The following IDI1 variants were observed in gnomAD, a reference collection of about 807,000 sequenced individuals.
IDI1 encodes the protein isopentenyl-diphosphate delta isomerase 1.
IDI1 carries 23 observed loss-of-function variants against 32.9 expected under a neutral mutation model. The ratio of observed to expected loss-of-function variants is 0.70; its 90% CI spans 0.50 to 0.99. IDI1 has a LOEUF of 0.99. Among genes scored for constraint, IDI1 ranks in the 50% least tolerant of loss-of-function variants. The probability of loss-of-function intolerance (pLI) is 0.00; values close to 1 mark genes in which losing one functional copy is unlikely to be tolerated. For synonymous variants in IDI1, 133 were observed against 128.2 expected (o/e 1.04, Z -0.25); for missense variants, 326 against 351.9 (o/e 0.93, Z 0.59).
intron 1 of IDI1, among the ~76,000 whole-genome samples, chr10:1,047,814 C>T (rs907253003): frequency 1.3e-5 from 2 of 152,186 alleles, no homozygotes; most frequent in African/African-American, 4.8e-5. Flanking sequence ...ACATGTAAAT[C>T]CTACATAAAT....
intron 1 of IDI1, among the ~76,000 whole-genome samples, chr10:1,046,399 T>C (rs891834408): frequency 6.6e-6 from 1 of 152,204 alleles, no homozygotes; most frequent in Non-Finnish European, 1.5e-5. Flanking sequence ...CCCACATTAT[T>C]CAGCACAGTC....
chr10:1,046,428 G>A (rs913662147), intron 1 of IDI1, among the ~76,000 whole-genome samples: 1 of 152,132 alleles, frequency 6.6e-6, no homozygotes, highest in Non-Finnish European at 1.5e-5. Flanking sequence ...TCCAAATTTA[G>A]GCCTGAAGCA....
intron 3 of IDI1, among the ~76,000 whole-genome samples, chr10:1,043,010 T>G (rs1832664307): frequency 1.3e-5 from 2 of 152,240 alleles, no homozygotes; most frequent in Non-Finnish European, 2.9e-5. Context: ...ACAGACTACA[T>G]TTGTAGGTAG....
rs562653913 is a variant in IDI1, at chr10:1,048,920, A to G, written c.84T>C (p.Cys28=). The G allele has an allele frequency of 2.5e-6, 4 of 1,601,638 alleles. No individual in the cohort carries two copies. The highest frequency in any genetic ancestry group is 1.7e-5 in the Admixed American group (1 of 59,548). The change falls in exon 1 of 5, where the codon TGT becomes TGC. Residue 28 remains cysteine (C), a synonymous_variant. Transcript: ENST00000381344. ...RGQWAVRAAD[C]AQSGRHPGPA... is the part of the protein sequence containing the mutation. Reference sequence around the variant, plus strand: ...GTCCCGGATGGCGCCCGCTTTGAGCACAGTCTGCGGCGCGCACCGCCCACT... The same window carrying G: ...GTCCCGGATGGCGCCCGCTTTGAGCGCAGTCTGCGGCGCGCACCGCCCACT...
intron 4 of IDI1, 41 bp downstream of exon 4, chr10:1,042,591 T>G: frequency 1.2e-6 from 2 of 1,605,124 alleles, no homozygotes; most frequent in Non-Finnish European, 1.7e-6. Flanking sequence ...TATAGTATGT[T>G]TAGGTTTCAG....
chr10:1,042,896 G>T, intron 3 of IDI1, 134 bp from the exon 4 acceptor site: 1 of 710,134 alleles, frequency 1.4e-6, no homozygotes, highest in Non-Finnish European at 2.3e-6. Flanking sequence ...TGGGCTATCA[G>T]TAATTATTTT....
chr10:1,042,433 G>A (rs967159335), intron 4 of IDI1, 199 bp downstream of exon 4: 6 of 552,452 alleles, frequency 1.1e-5, no homozygotes, highest in Non-Finnish European at 1.7e-5. Flanking sequence ...ATCCATCCCC[G>A]TATTGAGCTA....
At chr10:1,048,213 G>A in intron 1 of IDI1, 1 of 1,287,792 alleles carries the variant, frequency 7.8e-7, no homozygotes, top group Non-Finnish European at 1.0e-6. Context: ...AAGCTAAGCT[G>A]CATAATCACA....
intron 1 of IDI1, among the ~76,000 whole-genome samples, chr10:1,045,103 C>G (rs1326285317): frequency 6.6e-6 from 1 of 152,266 alleles, no homozygotes; most frequent in Non-Finnish European, 1.5e-5. Flanking sequence ...GGCAGCAGGC[C>G]AGATTTGGCC....
upstream of IDI1, among the ~76,000 whole-genome samples, chr10:1,052,214 G>A (rs778474963): frequency 1.2e-4 from 18 of 152,176 alleles, no homozygotes; most frequent in African/African-American, 2.2e-4. Context: ...AAACCCTGCT[G>A]CTACTTCATA....
chr10:1,053,954 G>T, upstream of IDI1, among the ~76,000 whole-genome samples: 1 of 152,172 alleles, frequency 6.6e-6, no homozygotes, highest in Admixed American at 6.5e-5. Context: ...GAAGGAGAGA[G>T]ATAGGGAGGC....
chr10:1,048,160 TA>T, intron 1 of IDI1: 1 of 1,084,112 alleles, frequency 9.2e-7, no homozygotes, highest in Non-Finnish European at 1.3e-6. Context: ...CGCCCAGCTG[TA>T]ATGACAATTG....
chr10:1,049,801 T>C (rs1170988232), upstream of IDI1, among the ~76,000 whole-genome samples: 11 of 152,090 alleles, frequency 7.2e-5, no homozygotes, highest in Non-Finnish European at 1.3e-4. Flanking sequence ...ATTACAGGCA[T>C]GCGCCACCAC....
At chr10:1,049,463 T>TCTCCCCCCC (rs1832924800), upstream of IDI1, 2 of 74,572 alleles carry the variant, frequency 2.7e-5, no homozygotes, top group African/African-American at 9.0e-5. Flanking sequence ...GGTTGGGCAC[T>TCTCCCCCCC]CCCCCCCCTC....
In IDI1 at chr10:1,049,083, T is replaced by C; in HGVS notation, c.-80A>G. On this transcript the variant is annotated 5_prime_UTR_variant, in exon 1 of 5. Transcript: ENST00000381344. ...GCCTGGTGGTGCCACCTCCCTGGCC[T>C]GTGACAACGGCAGACGCGCGAAGCA... 45 of 1,418,280 alleles carry C rather than the reference T, an allele frequency of 3.2e-5. No homozygotes were observed. The highest frequency in any genetic ancestry group is 4.0e-5 in the Non-Finnish European group (44 of 1,093,926). The allele number at this position is 1,418,280 out of a possible 1,614,324, so 87.9% of individuals were successfully genotyped here.
At chr10:1,056,267 T>C in the IDI1 span, 15 of 152,246 alleles carry the variant, frequency 9.9e-5, no homozygotes, top group Non-Finnish European at 2.9e-5. Flanking sequence ...TCATGCGACG[T>C]TTCCAACCTA....
intron 4 of IDI1, 48 bp downstream of exon 4, chr10:1,042,583 TA>T: frequency 6.3e-7 from 1 of 1,594,792 alleles, no homozygotes; most frequent in South Asian, 1.1e-5. Context: ...AACCTTTTTA[TA>T]GTATGTTTAG....
the IDI1 span, chr10:1,056,675 C>G: frequency 6.6e-6 from 1 of 152,280 alleles, no homozygotes; most frequent in Non-Finnish European, 1.5e-5. Flanking sequence ...TCAGCGCGCC[C>G]AGACCCCTCG....
chr10:1,043,107 C>T (rs1345843210), intron 3 of IDI1, among the ~76,000 whole-genome samples, 194 bp downstream of exon 3: 1 of 152,036 alleles, frequency 6.6e-6, no homozygotes, highest in Admixed American at 6.6e-5. Flanking sequence ...TACATATTGC[C>T]CAATTGCTTA....
Sources: gnomAD v4.1 joint callset for allele counts (sites outside exome capture counted in the v4.1 genomes callset) on GRCh38, gnomAD v4.1.1 for gene constraint, MANE v1.5 for transcripts, NCBI Gene and HGNC (gene_info 2026-07-23, HGNC 2026-07-21) for gene names.